Variants in TMEM163 observed in about 807,000 individuals in gnomAD.
TMEM163 encodes the protein transmembrane protein 163.
A neutral mutation model predicts 29.3 loss-of-function variants in TMEM163; 17 were observed. That is an observed-to-expected ratio of 0.58 (90% CI 0.40 to 0.87). The LOEUF is 0.87. Ranked by LOEUF, TMEM163 falls within the 40% of genes least tolerant of loss-of-function variation. The probability of loss-of-function intolerance (pLI) is 0.00; values close to 1 mark genes in which losing one functional copy is unlikely to be tolerated. For synonymous variants in TMEM163, 157 were observed against 160.6 expected, an observed-to-expected ratio of 0.98 and a Z score of 0.17; for missense variants, 303 against 381.5, an observed-to-expected ratio of 0.79 and a Z score of 1.71.
chr2:134,675,850 C>T (rs1477360991), intron 2 of TMEM163, among the ~76,000 whole-genome samples: 1 of 152,154 alleles, frequency 6.6e-6, no homozygotes, highest in Admixed American at 6.5e-5. Context: ...AGCAGACTAT[C>T]CACAGAGCAT....
rs577980314 is a variant in TMEM163 at position 134,705,599 on chromosome 2, C to A, written c.322+7601G>T. 1.9e-4 allele frequency among the ~76,000 whole-genome samples: 29 copies of A among 152,304 alleles called. No individual in the cohort carries two copies. The South Asian group carries it at 5.8e-3, about 30-fold the overall frequency. ...GGTAGGAGCAGGGGTTCCCTTCCTA[C>A]CCCGGCTTCCTCTGTTCCTTCTGTG... On this transcript the variant is annotated intron_variant, in intron 2 of 7. Coordinates refer to ENST00000281924, the MANE Select transcript of TMEM163 (RefSeq NM_030923.5).
chr2:134,531,117 A>C (rs1231201866), intron 4 of TMEM163, among the ~76,000 whole-genome samples: 2 of 152,196 alleles, frequency 1.3e-5, no homozygotes, highest in Admixed American at 1.3e-4. Flanking sequence ...TGAAATATGT[A>C]CTGTGACTAA....
chr2:134,713,905 C>T (rs776703423), intron 1 of TMEM163, among the ~76,000 whole-genome samples: 1 of 152,204 alleles, frequency 6.6e-6, no homozygotes, highest in Admixed American at 6.5e-5. Flanking sequence ...TTATATGCCA[C>T]GTTTCCTTCC....
intron 2 of TMEM163, among the ~76,000 whole-genome samples, chr2:134,687,686 C>T (rs1684378300): frequency 1.3e-5 from 2 of 152,162 alleles, no homozygotes; most frequent in Admixed American, 1.3e-4. Context: ...CATTATAAAT[C>T]ACATACTGTG....
chr2:134,559,651 C>T (rs559930578), intron 2 of TMEM163, among the ~76,000 whole-genome samples: 1 of 152,300 alleles, frequency 6.6e-6, no homozygotes, highest in East Asian at 1.9e-4. Flanking sequence ...GTCTCTCTCA[C>T]ATGACGAATG....
chr2:134,625,074 C>A (rs1249857371), intron 2 of TMEM163, among the ~76,000 whole-genome samples: 1 of 151,900 alleles, frequency 6.6e-6, no homozygotes. Context: ...TTAATTGATG[C>A]AAATATTGCT....
At chr2:134,495,284 C>T (rs1459152761) in intron 5 of TMEM163, among the ~76,000 whole-genome samples, 2 of 152,182 alleles carry the variant, frequency 1.3e-5, no homozygotes, top group Non-Finnish European at 2.9e-5. Flanking sequence ...GGAGGGAGCT[C>T]ACAGAGTTAA....
chr2:134,716,066 C>T (rs1012812237), intron 1 of TMEM163, among the ~76,000 whole-genome samples: 2 of 152,098 alleles, frequency 1.3e-5, no homozygotes, highest in South Asian at 2.1e-4. Flanking sequence ...GTTTGTCAAG[C>T]TTGAACTCTG....
chr2:134,645,720 G>T (rs919978416), intron 2 of TMEM163, among the ~76,000 whole-genome samples: 4 of 152,148 alleles, frequency 2.6e-5, no homozygotes, highest in Non-Finnish European at 2.9e-5. Context: ...AATCTCAAAA[G>T]GTTATATACT....
At chr2:134,555,873 T>A (rs918108995) in intron 2 of TMEM163, among the ~76,000 whole-genome samples, 1 of 152,188 alleles carries the variant, frequency 6.6e-6, no homozygotes, top group Non-Finnish European at 1.5e-5. Context: ...TGCCCTACCC[T>A]CAAGACTATG....
At position 134,689,212 on chromosome 2, in the gene TMEM163, G is replaced by A. The variant is rs907194273; in HGVS notation, c.322+23988C>T. On this transcript the variant is annotated intron_variant, in intron 2 of 7. Coordinates refer to ENST00000281924, the MANE Select transcript of TMEM163 (RefSeq NM_030923.5). ...CAACCTCTGCCTTCCAGATTCAAGC[G>A]ATTCTCCTATCTCAGCCTCCCAAGT... Among the ~76,000 whole-genome samples, 14 of 150,792 alleles carry A rather than the reference G, an allele frequency of 9.3e-5. 1 individual carries two copies. Among genetic ancestry groups the A allele is most frequent in the South Asian group, 4.2e-4 (2 of 4,758 alleles).
At chr2:134,514,371 G>A (rs1291443896) in intron 4 of TMEM163, among the ~76,000 whole-genome samples, 2 of 141,866 alleles carry the variant, frequency 1.4e-5, no homozygotes, top group Admixed American at 7.3e-5. Flanking sequence ...ATACACTAAC[G>A]ATACTGATGA....
intron 2 of TMEM163, among the ~76,000 whole-genome samples, chr2:134,559,320 T>C (rs925416666): frequency 6.6e-6 from 1 of 152,088 alleles, no homozygotes; most frequent in Middle Eastern, 3.2e-3. Flanking sequence ...ACCTGCTATG[T>C]CCAGCAATGT....
At chr2:134,601,594 A>AT (rs1682235790) in intron 2 of TMEM163, among the ~76,000 whole-genome samples, 1 of 152,204 alleles carries the variant, frequency 6.6e-6, no homozygotes, top group South Asian at 2.1e-4. Flanking sequence ...TGCCTCCTAA[A>AT]TGGGTTCCAA....
At chr2:134,551,983 G>A in intron 3 of TMEM163, 65 bp downstream of exon 3, 1 of 1,362,050 alleles carries the variant, frequency 7.3e-7, no homozygotes, top group East Asian at 2.3e-5. Flanking sequence ...AGGGCTCAGG[G>A]TGAGGTTTAT....
intron 5 of TMEM163, among the ~76,000 whole-genome samples, chr2:134,494,164 T>G (rs1026565344): frequency 2.0e-5 from 3 of 152,288 alleles, no homozygotes; most frequent in Admixed American, 6.5e-5. Flanking sequence ...CCCAGTTCTA[T>G]TCTGTTTAGA....
chr2:134,718,708 G>A (rs952401191), intron 1 of TMEM163, 26 bp downstream of exon 1: 4 of 1,139,100 alleles, frequency 3.5e-6, no homozygotes, highest in Non-Finnish European at 4.3e-6. Context: ...CCCGGTCGCC[G>A]GCCGGGTCGG....
rs116395030 is a variant in TMEM163 at position 134,539,004 on chromosome 2, G to A, written c.458+11566C>T. Among the ~76,000 whole-genome samples, 3 of 152,262 alleles carry A rather than the reference G, an allele frequency of 2.0e-5. No homozygotes were observed. In the East Asian group the frequency reaches 5.8e-4, roughly 29 times the overall value. On this transcript the variant is annotated intron_variant, in intron 4 of 7. Coordinates refer to ENST00000281924, the MANE Select transcript of TMEM163 (RefSeq NM_030923.5). ...TGCTATGTGATTATATTTTAATAAA[G>A]CTACTTTATAAAAACCACCTATCTC...
intron 5 of TMEM163, chr2:134,469,820 G>A (rs1226386155): frequency 6.6e-6 from 1 of 152,454 alleles, no homozygotes; most frequent in African/African-American, 2.4e-5. Flanking sequence ...CTGAGACAGT[G>A]AGGGTCACGT....
Sources: allele counts gnomAD v4.1 joint callset (sites outside exome capture counted in the v4.1 genomes callset), GRCh38; gene constraint gnomAD v4.1.1; transcripts MANE v1.5; gene names NCBI Gene and HGNC (gene_info 2026-07-23, HGNC 2026-07-21).